Variants in RB1 observed in about 807,000 individuals in gnomAD.
RB1 encodes RB transcriptional corepressor 1, also known as retinoblastoma-associated protein.
In RB1, 18 loss-of-function variants were observed where a neutral mutation model predicts 135.4. That is an observed-to-expected ratio of 0.13 (90% CI 0.09 to 0.20). RB1 has a LOEUF of 0.20. Among genes scored for constraint, RB1 ranks in the 10% least tolerant of loss-of-function variants. The pLI, the probability that RB1 is intolerant of heterozygous loss-of-function variation, is 1.00. For missense variants in RB1, 868 were observed against 1,110.0 expected (o/e 0.78, Z 3.10); for synonymous variants, 365 against 373.2 (o/e 0.98, Z 0.25).
At chr13:48,308,526 G>C (rs1952105556) in intron 2 of RB1, among the ~76,000 whole-genome samples, 1 of 151,930 alleles carries the variant, frequency 6.6e-6, no homozygotes, top group South Asian at 2.1e-4. Context: ...GGTAGCAGAT[G>C]CCTGTAATCT....
intron 23 of RB1, among the ~76,000 whole-genome samples, chr13:48,472,450 C>T (rs1368721233): frequency 1.3e-5 from 2 of 151,874 alleles, no homozygotes; most frequent in African/African-American, 2.4e-5. Flanking sequence ...TAAGATGCCA[C>T]GTCATGTCTA....
In RB1 at chr13:48,465,347, C is replaced by G. The variant is rs759015619; in HGVS notation, c.2468C>G (p.Thr823Arg). Residue 823 changes from threonine (T) to arginine (R), a missense_variant, in exon 23 of 27, where the codon ACA (threonine) becomes AGA (arginine). This residue lies in a region of RB1 where 196 missense variants were observed against 239.8 expected (regional missense o/e 0.82). Transcript: ENST00000267163. ...ATTTCAGAAGGTCTGCCAACACCAA[C>G]AAAAATGACTCCAAGATCAAGGTGT... Reference protein sequence around the residue: ...YKISEGLPTPTKMTPRSRILV... With the variant: ...YKISEGLPTPRKMTPRSRILV... 6.2e-7 allele frequency: 1 copy of G among 1,606,068 alleles called. No homozygotes were observed. The highest frequency in any genetic ancestry group is 8.5e-7 in the Non-Finnish European group (1 of 1,172,840).
chr13:48,362,794 T>C (rs1204719247), intron 7 of RB1, 21 bp from the exon 8 acceptor site: 15 of 1,609,230 alleles, frequency 9.3e-6, no homozygotes, highest in African/African-American at 1.3e-5. Flanking sequence ...ATTGTTCTTA[T>C]CTAATTTACC....
intron 17 of RB1, among the ~76,000 whole-genome samples, chr13:48,446,931 C>T (rs1326939478): frequency 6.6e-6 from 1 of 151,690 alleles, no homozygotes; most frequent in East Asian, 1.9e-4. Context: ...TAGGGAGTAA[C>T]ATATTAGCTC....
At chr13:48,328,541 C>G in intron 2 of RB1, 1 of 732,262 alleles carries the variant, frequency 1.4e-6, no homozygotes, top group Non-Finnish European at 2.5e-6. Flanking sequence ...GGCTTCTCCT[C>G]TCCCGCCTTC....
intron 17 of RB1, among the ~76,000 whole-genome samples, chr13:48,419,628 A>G (rs1035087722): frequency 1.3e-5 from 2 of 152,194 alleles, no homozygotes; most frequent in Non-Finnish European, 1.5e-5. Flanking sequence ...AACAAAATAG[A>G]TAGACCACTA....
chr13:48,364,554 A>G (rs1010148563), intron 8 of RB1, among the ~76,000 whole-genome samples: 1 of 152,166 alleles, frequency 6.6e-6, no homozygotes, highest in Admixed American at 6.5e-5. Context: ...GTTGGCTTCC[A>G]GTCAACAGTA....
intron 2 of RB1, chr13:48,318,750 G>A: frequency 1.5e-6 from 1 of 665,832 alleles, no homozygotes; most frequent in Non-Finnish European, 2.7e-6. Flanking sequence ...AGAGAGGGGG[G>A]CCTTGGGGCC....
intron 17 of RB1, chr13:48,429,689 T>C (rs1444671248): frequency 6.6e-6 from 1 of 152,184 alleles, no homozygotes; most frequent in East Asian, 1.9e-4. Context: ...ATTATATATA[T>C]TATTTTAAAA....
rs1180053508 is a variant in RB1 at position 48,304,028 on chromosome 13, C to T, written c.116C>T (p.Pro39Leu). 8.2e-6 allele frequency: 12 copies of T among 1,460,868 alleles called. No individual in the cohort carries two copies. The highest frequency in any genetic ancestry group is 3.0e-5 in the African/African-American group (2 of 67,566). 90.5% of individuals were successfully genotyped at this position (1,460,868 alleles called of 1,614,324 possible). A position where few individuals can be genotyped will look rare whatever the true frequency, so the allele number is the denominator to read the frequency against. The change falls in exon 1 of 27, where the codon CCG becomes CTG. Residue 39 changes from proline to leucine, a missense_variant. Pro to Leu is a moderately conservative substitution (Grantham distance 98). Transcript: ENST00000267163. ...PEEDPEQDSG[P>L]EDLPLVRLEF... ...GAGGACCCAGAGCAGGACAGCGGCCCGGAGGACCTGCCTCTCGTCAGGTGA... is the reference window on the plus strand; with the variant it reads ...GAGGACCCAGAGCAGGACAGCGGCCTGGAGGACCTGCCTCTCGTCAGGTGA...
intron 17 of RB1, among the ~76,000 whole-genome samples, chr13:48,406,403 AG>A (rs1948740253): frequency 6.6e-6 from 1 of 152,222 alleles, no homozygotes; most frequent in Non-Finnish European, 1.5e-5. Flanking sequence ...ATTTTAATAA[AG>A]GAAAAAGGAC....
Position 48,480,246 on chromosome 13 carries a change from AT to A in RB1, c.*176del. 1.6e-6 allele frequency: 1 copy of A among 619,568 alleles called. No individual in the cohort carries two copies. Among genetic ancestry groups the A allele is most frequent in the Non-Finnish European group, 2.9e-6 (1 of 341,818 alleles). The allele number at this position is 619,568 out of a possible 1,614,324, so 38.4% of individuals were successfully genotyped here. ...TTGGGTGATTCCTAAGCCACTTGAA[AT>A]GTTAGTCATTGTTATTTATACAAGA... On this transcript the variant is annotated 3_prime_UTR_variant, in exon 27 of 27. Transcript: ENST00000267163.
chr13:48,400,443 T>G (rs1948681901), intron 17 of RB1, among the ~76,000 whole-genome samples: 1 of 152,142 alleles, frequency 6.6e-6, no homozygotes, highest in Non-Finnish European at 1.5e-5. Flanking sequence ...TTTTAGTGTA[T>G]ATTAGTTTAC....
chr13:48,472,012 C>A (rs984472582), intron 23 of RB1, among the ~76,000 whole-genome samples: 3 of 152,152 alleles, frequency 2.0e-5, no homozygotes, highest in African/African-American at 7.2e-5. Flanking sequence ...TATGCAACTA[C>A]AAATCATTAT....
rs1250042897 is a variant in RB1, at chr13:48,464,854, TC to T, written c.2212-142del. On this transcript the variant is annotated intron_variant, in intron 21 of 26. Coordinates refer to ENST00000267163, the MANE Select transcript of RB1 (RefSeq NM_000321.3). ...GTAATTTTATTTATTTATTATTTTTTCCTTTATAATATGTGCTTCTTACCAG... is the reference window on the plus strand; with the variant it reads ...GTAATTTTATTTATTTATTATTTTTTCTTTATAATATGTGCTTCTTACCAG... 13 of 856,460 alleles carry T rather than the reference TC, an allele frequency of 1.5e-5. No individual in the cohort carries two copies. In the East Asian group the frequency reaches 3.7e-4, roughly 24 times the overall value. 53.1% of individuals were successfully genotyped at this position (856,460 alleles called of 1,614,324 possible). A position where few individuals can be genotyped will look rare whatever the true frequency, so the allele number is the denominator to read the frequency against.
At chr13:48,352,262 G>A (rs1390613336) in intron 6 of RB1, among the ~76,000 whole-genome samples, 4 of 152,128 alleles carry the variant, frequency 2.6e-5, no homozygotes, top group African/African-American at 9.7e-5. Flanking sequence ...TAGCCCTGTA[G>A]TATAGTCTGA....
Position 48,318,602 on chromosome 13 carries a change from G to T in RB1, c.264+11196G>T, listed in dbSNP as rs1233696238. On this transcript the variant is annotated intron_variant, in intron 2 of 26. Coordinates refer to ENST00000267163, the MANE Select transcript of RB1 (RefSeq NM_000321.3). ...GGTCCCGCCCCTCATGGCCGGGCACGGCTCACGCCTGGCTGTGGTCGGCAT... is the reference window on the plus strand; with the variant it reads ...GGTCCCGCCCCTCATGGCCGGGCACTGCTCACGCCTGGCTGTGGTCGGCAT... 8 of 615,152 alleles carry T rather than the reference G, an allele frequency of 1.3e-5. 1 individual carries two copies. The highest frequency in any genetic ancestry group is 2.9e-5 in the Admixed American group (1 of 35,066). The allele number at this position is 615,152 out of a possible 1,614,324, so 38.1% of individuals were successfully genotyped here. A position where few individuals can be genotyped will look rare whatever the true frequency, so the allele number is the denominator to read the frequency against.
intron 4 of RB1, among the ~76,000 whole-genome samples, chr13:48,346,298 G>A (rs1197793856): frequency 6.6e-6 from 1 of 151,418 alleles, no homozygotes; most frequent in Admixed American, 6.6e-5. Context: ...ACAGTGGAGA[G>A]AATCACTTTT....
intron 21 of RB1, among the ~76,000 whole-genome samples, 199 bp from the exon 22 acceptor site, chr13:48,464,799 A>G (rs1053285096): frequency 1.2e-4 from 18 of 152,122 alleles, no homozygotes; most frequent in African/African-American, 3.9e-4. Flanking sequence ...TTTCACTTCT[A>G]GAAGAGCAGC....
Sources: gnomAD v4.1 joint callset for allele counts (sites outside exome capture counted in the v4.1 genomes callset) on GRCh38, gnomAD v4.1.1 for gene constraint, gnomAD v4.1.1 regional missense constraint, MANE v1.5 for transcripts, NCBI Gene and HGNC (gene_info 2026-07-23, HGNC 2026-07-21) for gene names.